MAGI1: variants seen among roughly 807,000 people sequenced by gnomAD.
MAGI1 encodes membrane-associated guanylate kinase, WW and PDZ domain-containing protein 1.
Under a neutral mutation model 139.9 loss-of-function variants are expected in MAGI1, and 58 were observed. That is an observed-to-expected ratio of 0.41 (90% CI 0.34 to 0.52). The LOEUF (loss-of-function observed/expected upper bound fraction) is 0.52. MAGI1 is among the 20% of genes least tolerant of loss of function. The pLI, the probability that MAGI1 is intolerant of heterozygous loss-of-function variation, is 0.12. For missense variants in MAGI1, 1,874 were observed against 1,901.6 expected, an observed-to-expected ratio of 0.99 and a Z score of 0.27; for synonymous variants, 812 against 737.9, an observed-to-expected ratio of 1.10 and a Z score of -1.63.
At chr3:65,819,995 G>C (rs148016228) in intron 1 of MAGI1, among the ~76,000 whole-genome samples, 28 of 95,294 alleles carry the variant, frequency 2.9e-4, no homozygotes, top group African/African-American at 8.6e-4. Flanking sequence ...CAAATATACT[G>C]CACTGGCATG....
chr3:65,896,334 A>G (rs1480012545), intron 1 of MAGI1, among the ~76,000 whole-genome samples: 2 of 152,072 alleles, frequency 1.3e-5, no homozygotes, highest in Non-Finnish European at 2.9e-5. Context: ...CCCATGGCTG[A>G]CAGGAAGGTT....
intron 14 of MAGI1, 49 bp from the exon 15 acceptor site, chr3:65,383,672 AATG>A: frequency 9.1e-7 from 1 of 1,094,120 alleles, no homozygotes; most frequent in Non-Finnish European, 1.4e-6. Context: ...TGATAAAAGC[AATG>A]ATACCCCCAA....
At chr3:66,024,398 T>C (rs1257596291) in intron 1 of MAGI1, among the ~76,000 whole-genome samples, 2 of 148,758 alleles carry the variant, frequency 1.3e-5, no homozygotes, top group African/African-American at 5.0e-5. Flanking sequence ...ACCGGGCCAA[T>C]GTTCCTACAT....
chr3:65,796,050 CAAAA>C (rs35663778), intron 1 of MAGI1, among the ~76,000 whole-genome samples: 7,825 of 102,952 alleles, frequency 0.076, 349 homozygotes, highest in Admixed American at 0.21. Context: ...GACTCTGTCT[CAAAA>C]AAAAAAAAAA....
At chr3:65,517,020 G>A (rs575982361) in intron 2 of MAGI1, among the ~76,000 whole-genome samples, 2 of 151,842 alleles carry the variant, frequency 1.3e-5, no homozygotes, top group East Asian at 2.0e-4. Context: ...GAGCCACCGC[G>A]CCCGGCCCCA....
intron 2 of MAGI1, among the ~76,000 whole-genome samples, chr3:65,600,561 A>G (rs2082431912): frequency 6.6e-6 from 1 of 152,172 alleles, no homozygotes; most frequent in African/African-American, 2.4e-5. Flanking sequence ...GCTTAGTTGC[A>G]TTTCTTTTAA....
intron 1 of MAGI1, among the ~76,000 whole-genome samples, chr3:65,781,972 T>G (rs1365365544): frequency 6.6e-6 from 1 of 152,218 alleles, no homozygotes; most frequent in Non-Finnish European, 1.5e-5. Flanking sequence ...CTGAGCAGAT[T>G]GGTAGATTTC....
chr3:66,018,301 A>C (rs2067777031), intron 1 of MAGI1, among the ~76,000 whole-genome samples: 1 of 152,190 alleles, frequency 6.6e-6, no homozygotes, highest in South Asian at 2.1e-4. Context: ...TTTCTTCCAA[A>C]GACTGACTGC....
Position 65,681,092 on chromosome 3 carries a change from T to C in MAGI1, c.314-59004A>G, listed in dbSNP as rs183294826. 8.5e-5 allele frequency among the ~76,000 whole-genome samples: 13 copies of C among 152,356 alleles called. No individual in the cohort carries two copies. In the East Asian group the frequency reaches 2.3e-3, roughly 27 times the overall value. ...GACAAAGCACCTACATTCTTGTATTTTGATTTATCATCTGTGCATTAGTGT... is the reference window on the plus strand; with the variant it reads ...GACAAAGCACCTACATTCTTGTATTCTGATTTATCATCTGTGCATTAGTGT... On this transcript the variant is annotated intron_variant, in intron 1 of 22. Transcript: ENST00000402939.
intron 1 of MAGI1, among the ~76,000 whole-genome samples, chr3:65,644,464 G>A (rs2107264992): frequency 6.8e-6 from 1 of 147,676 alleles, no homozygotes; most frequent in South Asian, 2.2e-4. Context: ...AGGAAGCTAA[G>A]ACGAGCAGAT....
intron 2 of MAGI1, among the ~76,000 whole-genome samples, chr3:65,520,604 G>A (rs2078108675): frequency 1.3e-5 from 2 of 152,076 alleles, no homozygotes; most frequent in Non-Finnish European, 2.9e-5. Context: ...TAATAGGATT[G>A]ATTTTTTACC....
At chr3:65,651,399 G>C (rs1356472853) in intron 1 of MAGI1, among the ~76,000 whole-genome samples, 1 of 152,156 alleles carries the variant, frequency 6.6e-6, no homozygotes, top group Admixed American at 6.6e-5. Context: ...CATACTCCAT[G>C]CAAGTCCAAA....
Position 65,363,627 on chromosome 3 carries a change from T to C in MAGI1, c.3352-19A>G. The C allele has an allele frequency of 6.2e-7, 1 of 1,609,618 alleles. No homozygotes were observed. Among genetic ancestry groups the C allele is most frequent in the Non-Finnish European group, 8.5e-7 (1 of 1,178,002 alleles). On this transcript the variant is annotated intron_variant, in intron 20 of 22. Transcript: ENST00000402939. ...CTTGCTCCTATTTAAAGAAATTAAA[T>C]GCAATCATTCTAGGAGAACTAATAT...
chr3:66,013,924 G>A lies in MAGI1; in HGVS notation c.313+24072C>T, dbSNP rs149352365. On this transcript the variant is annotated intron_variant, in intron 1 of 22. Transcript: ENST00000402939. ...AAACGGAGATACTCATACACCTGAC[G>A]AAAAGAAAAAAGGTAACTTCTCCCC... is the stretch of plus-strand genomic sequence containing the variant. Among the ~76,000 whole-genome samples, 70 of 152,196 alleles carry A rather than the reference G, an allele frequency of 4.6e-4. No individual in the cohort carries two copies. In the East Asian group the frequency reaches 0.011, roughly 24 times the overall value.
chr3:65,951,030 AGGAAGGAAAGGAG>A (rs2063831453), intron 1 of MAGI1, among the ~76,000 whole-genome samples: 1 of 74,626 alleles, frequency 1.3e-5, no homozygotes, highest in Admixed American at 1.4e-4. Flanking sequence ...GAAGGAAGGA[AGGAAGGAAAGGAG>A]GGAGGGAGGG....
rs1340996328 is a variant in MAGI1 at position 65,356,171 on chromosome 3, ATACT to A, written c.*203_*206del. On this transcript the variant is annotated 3_prime_UTR_variant, in exon 23 of 23. Transcript: ENST00000402939. ...TTTCCAAAAAAGTATGCATTTAAAA[ATACT>A]TTCTTTAATATGATACATCAGGCAC... 2 of 450,710 alleles carry A rather than the reference ATACT, an allele frequency of 4.4e-6. No homozygotes were observed. Among genetic ancestry groups the A allele is most frequent in the Non-Finnish European group, 7.4e-6 (2 of 271,618 alleles). 27.9% of individuals were successfully genotyped at this position (450,710 alleles called of 1,614,324 possible). A position where few individuals can be genotyped will look rare whatever the true frequency, so the allele number is the denominator to read the frequency against.
chr3:65,888,886 C>T (rs568340793), intron 1 of MAGI1, among the ~76,000 whole-genome samples: 10 of 151,066 alleles, frequency 6.6e-5, no homozygotes, highest in African/African-American at 7.4e-5. Flanking sequence ...ATTATCTGTG[C>T]GCTAAAAAAA....
intron 1 of MAGI1, among the ~76,000 whole-genome samples, chr3:65,649,216 T>C (rs565383990): frequency 1.8e-3 from 268 of 151,860 alleles, no homozygotes; most frequent in Non-Finnish European, 2.9e-3. Flanking sequence ...CCCCAATCTC[T>C]AAAAAAATAC....
At chr3:65,418,655 C>G (rs1482900637) in intron 12 of MAGI1, among the ~76,000 whole-genome samples, 3 of 152,138 alleles carry the variant, frequency 2.0e-5, no homozygotes, top group Non-Finnish European at 4.4e-5. Flanking sequence ...TGAGTCATCC[C>G]TATCCATACA....
Sources: gnomAD v4.1 joint callset for allele counts (sites outside exome capture counted in the v4.1 genomes callset) on GRCh38, gnomAD v4.1.1 for gene constraint, MANE v1.5 for transcripts, NCBI Gene and HGNC (gene_info 2026-07-23, HGNC 2026-07-21) for gene names.